Variants in ATL2 observed in about 807,000 individuals in gnomAD.
The protein encoded by ATL2 is atlastin GTPase 2, also known as atlastin-2.
In ATL2, 31 loss-of-function variants were observed where a neutral mutation model predicts 73.9. The observed-to-expected ratio is 0.42, with a 90% CI of 0.32 to 0.57. The LOEUF is 0.57. Ranked by LOEUF, ATL2 falls within the 20% of genes least tolerant of loss-of-function variation. The pLI, the probability that ATL2 is intolerant of heterozygous loss-of-function variation, is 0.14. For synonymous variants in ATL2, 291 were observed against 237.5 expected, an observed-to-expected ratio of 1.23 and a Z score of -2.07; for missense variants, 738 against 702.6, an observed-to-expected ratio of 1.05 and a Z score of -0.57.
Position 38,377,264 on chromosome 2 carries a change from G to C in ATL2, c.-4C>G. On this transcript the variant is annotated 5_prime_UTR_variant, in exon 1 of 13. Coordinates refer to ENST00000378954, the MANE Select transcript of ATL2 (RefSeq NM_001135673.4). ...CTGCCTCGTCCCCCTCCGCCATCTT[G>C]TACCGATTTAAAATTAACTCCCCAC... is the stretch of plus-strand genomic sequence containing the variant. The C allele has an allele frequency of 1.9e-6, 3 of 1,568,386 alleles. No individual in the cohort carries two copies. The highest frequency in any genetic ancestry group is 2.6e-6 in the Non-Finnish European group (3 of 1,156,986).
chr2:38,346,856 A>T (rs993584343), intron 1 of ATL2, among the ~76,000 whole-genome samples: 3 of 152,188 alleles, frequency 2.0e-5, no homozygotes, highest in African/African-American at 7.2e-5. Context: ...CTAACCTTTC[A>T]TCAGATCCTC....
chr2:38,363,355 T>G (rs964433901), intron 1 of ATL2, among the ~76,000 whole-genome samples: 21 of 139,412 alleles, frequency 1.5e-4, no homozygotes, highest in Non-Finnish European at 7.6e-5. Context: ...AAATACAAGT[T>G]GTTTATTAAA....
At chr2:38,377,505 C>T (rs1018111656), upstream of ATL2, among the ~76,000 whole-genome samples, 2 of 151,464 alleles carry the variant, frequency 1.3e-5, no homozygotes. Flanking sequence ...CTCCCCGGCT[C>T]CAAGTTTCTG....
intron 9 of ATL2, among the ~76,000 whole-genome samples, chr2:38,302,322 G>C (rs919976839): frequency 1.5e-5 from 2 of 136,076 alleles, no homozygotes; most frequent in Admixed American, 6.8e-5. Flanking sequence ...GGCCAGGTGT[G>C]ATGGCTCACA....
chr2:38,354,644 C>A (rs1057392487), intron 1 of ATL2, among the ~76,000 whole-genome samples: 4 of 151,944 alleles, frequency 2.6e-5, no homozygotes, highest in Admixed American at 6.6e-5. Flanking sequence ...AATCCCAGCA[C>A]TTTGGAAGGC....
chr2:38,318,812 T>C (rs1006074516), intron 3 of ATL2, 73 bp downstream of exon 3: 38 of 1,511,020 alleles, frequency 2.5e-5, no homozygotes, highest in Non-Finnish European at 3.3e-5. Context: ...TAGTTCTGTG[T>C]TGTTTTGATT....
chr2:38,297,031 A>C (rs562853757), intron 12 of ATL2, among the ~76,000 whole-genome samples: 1 of 152,374 alleles, frequency 6.6e-6, no homozygotes, highest in East Asian at 1.9e-4. Context: ...AAGATATCAA[A>C]GAAACATCAA....
At chr2:38,311,121 C>CAA (rs369241978) in intron 7 of ATL2, among the ~76,000 whole-genome samples, 83 of 145,064 alleles carry the variant, frequency 5.7e-4, no homozygotes, top group African/African-American at 2.0e-3. Flanking sequence ...CAGAACAAAA[C>CAA]AAAAAAAAAA....
intron 1 of ATL2, among the ~76,000 whole-genome samples, chr2:38,374,357 T>C (rs1167770173): frequency 6.9e-6 from 1 of 144,558 alleles, no homozygotes; most frequent in Non-Finnish European, 1.5e-5. Flanking sequence ...TAAATAACTC[T>C]CAAATTTTCT....
intron 2 of ATL2, among the ~76,000 whole-genome samples, chr2:38,332,388 T>C (rs950823587): frequency 3.0e-4 from 46 of 152,122 alleles, no homozygotes; most frequent in African/African-American, 1.1e-3. Flanking sequence ...TTGATTTTTG[T>C]AGAGATGGAG....
chr2:38,340,842 G>A (rs1329646149), intron 2 of ATL2, among the ~76,000 whole-genome samples: 2 of 151,998 alleles, frequency 1.3e-5, no homozygotes, highest in East Asian at 1.9e-4. Flanking sequence ...AATTCTATAG[G>A]GCAATACTAT....
At chr2:38,339,738 T>C (rs1669592829) in intron 2 of ATL2, among the ~76,000 whole-genome samples, 1 of 152,146 alleles carries the variant, frequency 6.6e-6, no homozygotes, top group Middle Eastern at 3.2e-3. Flanking sequence ...TTGCCCAGGT[T>C]AGAGTATGAT....
At chr2:38,375,415 A>G (rs1671904647) in intron 1 of ATL2, among the ~76,000 whole-genome samples, 1 of 152,232 alleles carries the variant, frequency 6.6e-6, no homozygotes, top group Non-Finnish European at 1.5e-5. Flanking sequence ...GTCCTAAAAA[A>G]CAAAGGACAA....
chr2:38,327,317 G>C (rs1456111037), intron 2 of ATL2, among the ~76,000 whole-genome samples: 1 of 151,904 alleles, frequency 6.6e-6, no homozygotes, highest in East Asian at 1.9e-4. Flanking sequence ...TAAAAGAGAG[G>C]AGGAATTAGG....
At chr2:38,338,876 G>C (rs1165111494) in intron 2 of ATL2, among the ~76,000 whole-genome samples, 1 of 152,112 alleles carries the variant, frequency 6.6e-6, no homozygotes, top group Admixed American at 6.5e-5. Flanking sequence ...AGAAATGTAA[G>C]ACAAACTTAA....
At chr2:38,314,497 T>C in intron 6 of ATL2, 111 bp downstream of exon 6, 1 of 680,454 alleles carries the variant, frequency 1.5e-6, no homozygotes, top group Non-Finnish European at 2.6e-6. Flanking sequence ...ACTGAATCTG[T>C]TGCTAGCAAT....
At chr2:38,317,576 T>G (rs1346957417) in intron 4 of ATL2, among the ~76,000 whole-genome samples, 2 of 152,200 alleles carry the variant, frequency 1.3e-5, no homozygotes, top group African/African-American at 4.8e-5. Context: ...TTGTCTGGGT[T>G]TCCTAAATTA....
intron 1 of ATL2, among the ~76,000 whole-genome samples, chr2:38,352,429 T>G (rs765844036): frequency 6.6e-6 from 1 of 152,180 alleles, no homozygotes; most frequent in Non-Finnish European, 1.5e-5. Flanking sequence ...GCTCTCTGCC[T>G]GGGAACAATT....
intron 2 of ATL2, among the ~76,000 whole-genome samples, chr2:38,323,267 C>T (rs920851875): frequency 6.7e-6 from 1 of 150,092 alleles, no homozygotes; most frequent in Admixed American, 6.6e-5. Context: ...CCTATTCCAC[C>T]AGACATATAA....
Sources: gnomAD v4.1 joint callset for allele counts (sites outside exome capture counted in the v4.1 genomes callset) on GRCh38, gnomAD v4.1.1 for gene constraint, MANE v1.5 for transcripts, NCBI Gene and HGNC (gene_info 2026-07-23, HGNC 2026-07-21) for gene names.